Variants in OTUD7A observed in about 807,000 individuals in gnomAD.
The protein encoded by OTUD7A is OTU domain-containing protein 7A.
Under a neutral mutation model 65.7 loss-of-function variants are expected in OTUD7A, and 12 were observed. The ratio of observed to expected loss-of-function variants is 0.18; its 90% CI spans 0.12 to 0.30. The LOEUF is 0.30. Ranked by LOEUF, OTUD7A falls within the 10% of genes least tolerant of loss-of-function variation. The pLI is 1.00. For synonymous variants in OTUD7A, 641 were observed against 586.3 expected, an observed-to-expected ratio of 1.09 and a Z score of -1.35; for missense variants, 1,148 against 1,304.8, an observed-to-expected ratio of 0.88 and a Z score of 1.85.
In OTUD7A at chr15:31,576,929, T is replaced by C. The variant is rs570363461; in HGVS notation, c.152-6732A>G. Among the ~76,000 whole-genome samples, 14 of 152,236 alleles carry C rather than the reference T, an allele frequency of 9.2e-5. No individual in the cohort carries two copies. The South Asian group carries it at 2.7e-3, about 29-fold the overall frequency. ...TGGAAGGGAGGTCAGACACACCTTG[T>C]AATACCGCCTTTCTTTTGGAGTTTA... is the stretch of plus-strand genomic sequence containing the variant. On this transcript the variant is annotated intron_variant, in intron 3 of 12. Coordinates refer to ENST00000307050, the MANE Select transcript of OTUD7A (RefSeq NM_001382637.1).
intron 1 of OTUD7A, among the ~76,000 whole-genome samples, chr15:31,868,189 C>A (rs1218212827): frequency 6.6e-6 from 1 of 152,228 alleles, no homozygotes; most frequent in Admixed American, 6.5e-5. Flanking sequence ...TCACTGACAA[C>A]TCCCAAATTT....
intron 3 of OTUD7A, among the ~76,000 whole-genome samples, chr15:31,648,961 A>G (rs1891756834): frequency 1.3e-5 from 2 of 152,112 alleles, no homozygotes; most frequent in African/African-American, 4.8e-5. Context: ...GGGTTTCACC[A>G]TGTTAGCCAG....
At chr15:31,742,985 T>C (rs1020384381) in intron 1 of OTUD7A, among the ~76,000 whole-genome samples, 1 of 152,054 alleles carries the variant, frequency 6.6e-6, no homozygotes, top group Non-Finnish European at 1.5e-5. Flanking sequence ...AAAGGAAATA[T>C]AGACAAATCC....
At chr15:31,793,998 GTGCTT>G (rs1257091641) in intron 1 of OTUD7A, among the ~76,000 whole-genome samples, 1 of 152,172 alleles carries the variant, frequency 6.6e-6, no homozygotes, top group Non-Finnish European at 1.5e-5. Flanking sequence ...CTTATAATTT[GTGCTT>G]TGAAGTTTAA....
chr15:31,525,966 G>A (rs2042005696), intron 8 of OTUD7A, among the ~76,000 whole-genome samples: 1 of 152,188 alleles, frequency 6.6e-6, no homozygotes, highest in African/African-American at 2.4e-5. Context: ...AGCCAGGTTC[G>A]TGCGATGGCA....
In OTUD7A at chr15:31,482,541, T is replaced by G. The variant is rs2041141946; in HGVS notation, c.*753A>C. The G allele has an allele frequency of 6.6e-6, 1 of 152,280 alleles. No homozygotes were observed. 9.4% of individuals were successfully genotyped at this position (152,280 alleles called of 1,614,324 possible). A position where few individuals can be genotyped will look rare whatever the true frequency, so the allele number is the denominator to read the frequency against. ...CCCTGCTTTTTGGACCCTAGGTGTCTTTGGAAAGCTCCTGTCACCTGAACT... is the reference window on the plus strand; with the variant it reads ...CCCTGCTTTTTGGACCCTAGGTGTCGTTGGAAAGCTCCTGTCACCTGAACT... On this transcript the variant is annotated 3_prime_UTR_variant, in exon 13 of 13. Transcript: ENST00000307050.
Position 31,483,399 on chromosome 15 carries a change from G to A in OTUD7A, c.2697C>T (p.Arg899=), listed in dbSNP as rs1326246837. 1.1e-4 allele frequency: 147 copies of A among 1,346,916 alleles called. No individual in the cohort carries two copies. The highest frequency in any genetic ancestry group is 3.5e-4 in the Admixed American group (10 of 28,636). The allele number at this position is 1,346,916 out of a possible 1,614,324, so 83.4% of individuals were successfully genotyped here. The part of the protein sequence containing the change: ...GPGPVQRRCQ[R]ENCAFYGRAE... Reference sequence around the variant, plus strand: ...CGCGCCCGTAGAACGCACAGTTCTCGCGCTGGCAGCGCCGCTGCACCGGCC... The same window carrying A: ...CGCGCCCGTAGAACGCACAGTTCTCACGCTGGCAGCGCCGCTGCACCGGCC... The change falls in exon 13 of 13, where the codon CGC becomes CGT. Residue 899 remains arginine (R), a synonymous_variant. Coordinates refer to ENST00000307050, the MANE Select transcript of OTUD7A (RefSeq NM_001382637.1).
chr15:31,685,104 A>G (rs1892805715), intron 1 of OTUD7A, among the ~76,000 whole-genome samples: 1 of 152,354 alleles, frequency 6.6e-6, no homozygotes, highest in African/African-American at 2.4e-5. Flanking sequence ...CTAGAATGCA[A>G]ATAAGTCTGA....
chr15:31,816,129 G>A lies in OTUD7A; in HGVS notation c.-100+54378C>T, dbSNP rs916855731. Among the ~76,000 whole-genome samples, 18 of 152,266 alleles carry A rather than the reference G, an allele frequency of 1.2e-4. No individual in the cohort carries two copies. In the South Asian group the frequency reaches 1.5e-3, roughly 12 times the overall value. On this transcript the variant is annotated intron_variant, in intron 1 of 12. Transcript: ENST00000307050. ...GTGAGGATGCTGCTTTGAGGGCTCC[G>A]GCCTCTTTCCAGCCCATATCAGAAG... is the stretch of plus-strand genomic sequence containing the variant.
chr15:31,771,713 T>C (rs1895238920), intron 1 of OTUD7A, among the ~76,000 whole-genome samples: 1 of 152,136 alleles, frequency 6.6e-6, no homozygotes, highest in Non-Finnish European at 1.5e-5. Context: ...AGCATCACAA[T>C]GTTTGAAGTC....
At chr15:31,852,984 G>A (rs1328211097) in intron 1 of OTUD7A, among the ~76,000 whole-genome samples, 1 of 152,174 alleles carries the variant, frequency 6.6e-6, no homozygotes, top group Non-Finnish European at 1.5e-5. Context: ...GGGGAAGAGT[G>A]GGGACAGACG....
intron 1 of OTUD7A, among the ~76,000 whole-genome samples, chr15:31,799,864 G>A (rs1391414364): frequency 6.6e-6 from 1 of 152,060 alleles, no homozygotes; most frequent in Admixed American, 6.5e-5. Context: ...CACAGGCTGT[G>A]GTGGGACAGA....
chr15:31,752,273 C>A (rs1367326791), intron 1 of OTUD7A, among the ~76,000 whole-genome samples: 1 of 151,716 alleles, frequency 6.6e-6, no homozygotes, highest in Non-Finnish European at 1.5e-5. Flanking sequence ...AAATACAGTA[C>A]AACTACAAAG....
intron 1 of OTUD7A, among the ~76,000 whole-genome samples, chr15:31,753,684 GAGATATAT>G (rs1894704445): frequency 1.6e-5 from 1 of 61,176 alleles, no homozygotes; most frequent in African/African-American, 7.9e-5. Flanking sequence ...TATAACCTGT[GAGATATAT>G]ATATATATAT....
At chr15:31,618,342 A>C (rs970873897) in intron 3 of OTUD7A, among the ~76,000 whole-genome samples, 1 of 152,252 alleles carries the variant, frequency 6.6e-6, no homozygotes, top group African/African-American at 2.4e-5. Flanking sequence ...TAAATACCTG[A>C]GGAATCGCCA....
intron 3 of OTUD7A, among the ~76,000 whole-genome samples, chr15:31,648,143 T>A (rs374632979): frequency 4.9e-4 from 75 of 152,196 alleles, no homozygotes; most frequent in Non-Finnish European, 9.0e-4. Flanking sequence ...GGGACTGATA[T>A]GAAGATGAGA....
At chr15:31,851,110 G>A (rs577353547) in intron 1 of OTUD7A, among the ~76,000 whole-genome samples, 1 of 152,232 alleles carries the variant, frequency 6.6e-6, no homozygotes, top group African/African-American at 2.4e-5. Flanking sequence ...AAAAGACCAG[G>A]GTGATGAGAA....
At chr15:31,827,780 G>C (rs1036977280) in intron 1 of OTUD7A, among the ~76,000 whole-genome samples, 1 of 151,796 alleles carries the variant, frequency 6.6e-6, no homozygotes, top group Non-Finnish European at 1.5e-5. Context: ...TACAAAAATT[G>C]GCTGGGCATG....
intron 5 of OTUD7A, among the ~76,000 whole-genome samples, chr15:31,551,132 G>A (rs1415357137): frequency 6.6e-6 from 1 of 152,168 alleles, no homozygotes; most frequent in Non-Finnish European, 1.5e-5. Context: ...AGCACTCCTA[G>A]GGCTGTACAT....
Sources: gnomAD v4.1 joint callset for allele counts (sites outside exome capture counted in the v4.1 genomes callset) on GRCh38, gnomAD v4.1.1 for gene constraint, MANE v1.5 for transcripts, NCBI Gene and HGNC (gene_info 2026-07-23, HGNC 2026-07-21) for gene names.